Variants in GLIS3 observed in about 807,000 individuals in gnomAD.
GLIS3 encodes zinc finger protein GLIS3.
GLIS3 carries 53 observed loss-of-function variants against 78.6 expected under a neutral mutation model. The ratio of observed to expected loss-of-function variants is 0.67; its 90% CI spans 0.54 to 0.85. The LOEUF (loss-of-function observed/expected upper bound fraction) is 0.85. GLIS3 is among the 40% of genes least tolerant of loss of function. The probability of loss-of-function intolerance (pLI) is 0.00; values close to 1 mark genes in which losing one functional copy is unlikely to be tolerated. For synonymous variants in GLIS3, 684 were observed against 509.9 expected, an observed-to-expected ratio of 1.34 and a Z score of -4.60; for missense variants, 1,703 against 1,231.1, an observed-to-expected ratio of 1.38 and a Z score of -5.74.
chr9:3,988,080 T>A (rs1237273481), intron 4 of GLIS3, among the ~76,000 whole-genome samples: 1 of 152,142 alleles, frequency 6.6e-6, no homozygotes, highest in Non-Finnish European at 1.5e-5. Context: ...ATCAAGCTAA[T>A]GACTGGGCTT....
intron 2 of GLIS3, among the ~76,000 whole-genome samples, chr9:4,214,760 T>C (rs1225167608): frequency 1.3e-5 from 2 of 152,216 alleles, no homozygotes; most frequent in Non-Finnish European, 2.9e-5. Context: ...TTAGCTACTG[T>C]GGCTTGTTAC....
At chr9:4,380,569 C>T in the GLIS3 span, among the ~76,000 whole-genome samples, 3 of 152,320 alleles carry the variant, frequency 2.0e-5, no homozygotes, top group East Asian at 5.8e-4. Flanking sequence ...GTTAACTATG[C>T]AGATTTCCGG....
At chr9:4,484,041 G>C in the GLIS3 span, among the ~76,000 whole-genome samples, 1 of 152,146 alleles carries the variant, frequency 6.6e-6, no homozygotes, top group Admixed American at 6.5e-5. Context: ...TGTTGTTGTT[G>C]TTGTTATTAC....
intron 2 of GLIS3, among the ~76,000 whole-genome samples, chr9:4,173,151 G>T (rs1471649845): frequency 6.6e-6 from 1 of 152,032 alleles, no homozygotes; most frequent in African/African-American, 2.4e-5. Context: ...TTTAAATCTG[G>T]CAAAGGGTGA....
the GLIS3 span, among the ~76,000 whole-genome samples, chr9:4,417,090 G>A: frequency 6.6e-6 from 1 of 152,102 alleles, no homozygotes; most frequent in African/African-American, 2.4e-5. Flanking sequence ...ACTGGAGACA[G>A]GCTACACAAT....
chr9:4,395,409 C>A, the GLIS3 span, among the ~76,000 whole-genome samples: 1 of 152,260 alleles, frequency 6.6e-6, no homozygotes, highest in South Asian at 2.1e-4. Flanking sequence ...TTGATCCTTA[C>A]AGAGATTTTA....
At chr9:4,227,917 C>A (rs1435685744) in intron 2 of GLIS3, among the ~76,000 whole-genome samples, 1 of 152,172 alleles carries the variant, frequency 6.6e-6, no homozygotes, top group Non-Finnish European at 1.5e-5. Flanking sequence ...GAAATGGTGG[C>A]ATCGGAATGT....
intron 4 of GLIS3, among the ~76,000 whole-genome samples, chr9:4,019,226 G>A (rs1822674797): frequency 6.6e-6 from 1 of 152,186 alleles, no homozygotes; most frequent in Non-Finnish European, 1.5e-5. Context: ...AGTTTAAACG[G>A]TGCTCTCATC....
chr9:3,941,198 G>A (rs538668942), intron 4 of GLIS3, among the ~76,000 whole-genome samples: 18 of 152,214 alleles, frequency 1.2e-4, no homozygotes, highest in African/African-American at 4.1e-4. Flanking sequence ...AAAGCATTTT[G>A]CAGAATCTAC....
At chr9:4,380,070 G>A in the GLIS3 span, among the ~76,000 whole-genome samples, 2 of 152,114 alleles carry the variant, frequency 1.3e-5, no homozygotes, top group East Asian at 3.9e-4. Context: ...ACTATCTGTA[G>A]TGCATCAATA....
intron 2 of GLIS3, among the ~76,000 whole-genome samples, chr9:4,216,607 G>A (rs1820874311): frequency 6.6e-6 from 1 of 152,096 alleles, no homozygotes; most frequent in African/African-American, 2.4e-5. Flanking sequence ...GAAAGCCAAT[G>A]TTCGGCTGCC....
At chr9:3,864,222 T>C (rs556591558) in intron 8 of GLIS3, among the ~76,000 whole-genome samples, 3 of 152,334 alleles carry the variant, frequency 2.0e-5, no homozygotes, top group Admixed American at 2.0e-4. Context: ...CTCATAGTCC[T>C]GTAGCAAAGG....
At chr9:3,858,418 T>C (rs973429783) in intron 8 of GLIS3, among the ~76,000 whole-genome samples, 1 of 152,132 alleles carries the variant, frequency 6.6e-6, no homozygotes, top group Admixed American at 6.6e-5. Flanking sequence ...TATAATAATA[T>C]CATTGAATAA....
At chr9:3,883,110 C>T (rs1821843642) in intron 7 of GLIS3, among the ~76,000 whole-genome samples, 1 of 152,212 alleles carries the variant, frequency 6.6e-6, no homozygotes, top group Admixed American at 6.5e-5. Flanking sequence ...GGACAACACT[C>T]TGGAGTCAGA....
intron 4 of GLIS3, among the ~76,000 whole-genome samples, chr9:3,963,553 T>G (rs1588328196): frequency 1.3e-5 from 2 of 152,298 alleles, no homozygotes; most frequent in South Asian, 4.1e-4. Context: ...AGAGTAAAAG[T>G]CAGCTCTGTG....
intron 2 of GLIS3, among the ~76,000 whole-genome samples, chr9:4,239,624 C>T (rs959215224): frequency 1.3e-5 from 2 of 152,224 alleles, no homozygotes; most frequent in African/African-American, 4.8e-5. Context: ...AACAGAAGGT[C>T]TACGCTTTGG....
the GLIS3 span, among the ~76,000 whole-genome samples, chr9:4,413,507 G>A: frequency 6.6e-6 from 1 of 152,082 alleles, no homozygotes; most frequent in East Asian, 1.9e-4. Flanking sequence ...TCTCAAAGCT[G>A]TGCAAGCTCC....
chr9:3,981,646 T>C (rs12351382), intron 4 of GLIS3, among the ~76,000 whole-genome samples: 31,038 of 152,114 alleles, frequency 0.2, 4,204 homozygotes, highest in African/African-American at 0.39. Context: ...GTATGATACA[T>C]AGTTCCAATT....
upstream of GLIS3, among the ~76,000 whole-genome samples, chr9:4,350,142 G>A (rs755540591): frequency 6.6e-6 from 1 of 152,212 alleles, no homozygotes; most frequent in East Asian, 1.9e-4. Context: ...CACCGCAGAG[G>A]TCAGAGAAGA....
Sources: gnomAD v4.1 joint callset for allele counts (sites outside exome capture counted in the v4.1 genomes callset) on GRCh38, gnomAD v4.1.1 for gene constraint, MANE v1.5 for transcripts, NCBI Gene and HGNC (gene_info 2026-07-23, HGNC 2026-07-21) for gene names.